The following GLIS3 variants were observed in gnomAD, a reference collection of about 807,000 sequenced individuals.
The protein encoded by GLIS3 is zinc finger protein GLIS3.
In GLIS3, 53 loss-of-function variants were observed where a neutral mutation model predicts 78.6. The observed-to-expected ratio is 0.67, with a 90% CI of 0.54 to 0.85. The LOEUF is 0.85. Ranked by LOEUF, GLIS3 falls within the 40% of genes least tolerant of loss-of-function variation. The pLI, the probability that GLIS3 is intolerant of heterozygous loss-of-function variation, is 0.00. For synonymous variants in GLIS3, 684 were observed against 509.9 expected (o/e 1.34, Z -4.60); for missense variants, 1,703 against 1,231.1 (o/e 1.38, Z -5.74).
chr9:4,250,559 C>G (rs975560511), intron 2 of GLIS3, among the ~76,000 whole-genome samples: 1 of 148,600 alleles, frequency 6.7e-6, no homozygotes, highest in Non-Finnish European at 1.5e-5. Flanking sequence ...TTTTCAAAAA[C>G]CTAGCTCCCG....
At chr9:4,329,444 T>C (rs1817651070) in intron 2 of GLIS3, among the ~76,000 whole-genome samples, 1 of 152,172 alleles carries the variant, frequency 6.6e-6, no homozygotes, top group Non-Finnish European at 1.5e-5. Flanking sequence ...CCCAGTGGTA[T>C]TTCAAATGCC....
chr9:4,288,092 C>A (rs1434934816), intron 1 of GLIS3, among the ~76,000 whole-genome samples: 1 of 152,174 alleles, frequency 6.6e-6, no homozygotes, highest in African/African-American at 2.4e-5. Flanking sequence ...AACCTCAGTT[C>A]TTACATTGGT....
At position 4,053,168 on chromosome 9, in the gene GLIS3, C is replaced by T. The variant is rs190716238; in HGVS notation, c.1710+64600G>A. On this transcript the variant is annotated intron_variant, in intron 4 of 10. Transcript: ENST00000381971. ...TTTGCCATGTTGGCCCAGCTGGTCT[C>T]GAACTCTTGGCCTCCAGCAATCCAC... Among the ~76,000 whole-genome samples, 50 of 152,256 alleles carry T rather than the reference C, an allele frequency of 3.3e-4. No homozygotes were observed. The East Asian group carries it at 9.1e-3, about 28-fold the overall frequency.
At chr9:4,062,084 A>G (rs1826701146) in intron 4 of GLIS3, among the ~76,000 whole-genome samples, 1 of 152,242 alleles carries the variant, frequency 6.6e-6, no homozygotes. Context: ...TGAAGACTGA[A>G]TTACTTCCTT....
Position 3,988,698 on chromosome 9 carries a change from G to A in GLIS3, c.1711-51509C>T, listed in dbSNP as rs551054642. ...AATTGGTGCTGGAGCCATCAAGCAC[G>A]CATAGACAAAAAAAAAGAAAAAGAA... On this transcript the variant is annotated intron_variant, in intron 4 of 10. Coordinates refer to ENST00000381971, the MANE Select transcript of GLIS3 (RefSeq NM_001042413.2). Among the ~76,000 whole-genome samples the A allele has an allele frequency of 7.2e-5, 11 of 151,806 alleles. 1 individual carries two copies. The South Asian group carries it at 1.2e-3, about 17-fold the overall frequency.
At chr9:3,858,805 A>C (rs1387868927) in intron 8 of GLIS3, among the ~76,000 whole-genome samples, 2 of 152,240 alleles carry the variant, frequency 1.3e-5, no homozygotes, top group African/African-American at 2.4e-5. Context: ...GGAACAAGGA[A>C]GTAGATAGGA....
At chr9:4,373,919 G>T in the GLIS3 span, among the ~76,000 whole-genome samples, 5 of 152,092 alleles carry the variant, frequency 3.3e-5, no homozygotes, top group African/African-American at 1.2e-4. Context: ...GCCTGCCTCG[G>T]CCTCCCACAG....
At chr9:4,408,691 C>A in the GLIS3 span, among the ~76,000 whole-genome samples, 1 of 122,326 alleles carries the variant, frequency 8.2e-6, no homozygotes, top group African/African-American at 3.4e-5. Flanking sequence ...CACGCCACCG[C>A]ACTCCAGCCT....
intron 2 of GLIS3, among the ~76,000 whole-genome samples, chr9:4,257,250 T>C (rs878981326): frequency 2.0e-5 from 3 of 151,598 alleles, no homozygotes; most frequent in Non-Finnish European, 4.4e-5. Context: ...GAAAGAAAAA[T>C]AGTGCATGAT....
chr9:4,120,556 TC>T (rs35200172), intron 3 of GLIS3, among the ~76,000 whole-genome samples: 3 of 152,190 alleles, frequency 2.0e-5, no homozygotes, highest in African/African-American at 7.2e-5. Flanking sequence ...AGCTGAAGGC[TC>T]CTGGTGATTG....
At position 4,117,670 on chromosome 9, in the gene GLIS3, C is replaced by A. The variant is rs188097536; in HGVS notation, c.1710+98G>T. Reference sequence around the variant, plus strand: ...CATCTCATGGATACCTAGACCCCCACGCATGCAAACTCCATGGGCCGAGTT... The same window carrying A: ...CATCTCATGGATACCTAGACCCCCAAGCATGCAAACTCCATGGGCCGAGTT... On this transcript the variant is annotated intron_variant, in intron 4 of 10. Coordinates refer to ENST00000381971, the MANE Select transcript of GLIS3 (RefSeq NM_001042413.2). The A allele has an allele frequency of 1.1e-4, 150 of 1,342,290 alleles. No individual in the cohort carries two copies. The East Asian group carries it at 1.3e-3, about 11-fold the overall frequency. 83.1% of individuals were successfully genotyped at this position (1,342,290 alleles called of 1,614,324 possible).
At chr9:4,340,663 G>T (rs1014368289) in intron 2 of GLIS3, among the ~76,000 whole-genome samples, 5 of 152,074 alleles carry the variant, frequency 3.3e-5, no homozygotes, top group Admixed American at 3.3e-4. Flanking sequence ...GACCGTTGTC[G>T]GAACCAGATC....
At chr9:4,312,978 C>A (rs762857480) in intron 2 of GLIS3, among the ~76,000 whole-genome samples, 2 of 152,194 alleles carry the variant, frequency 1.3e-5, no homozygotes, top group Non-Finnish European at 2.9e-5. Context: ...AAATCACCTC[C>A]CCAGGATACA....
At chr9:4,125,672 G>A in intron 3 of GLIS3, 62 bp downstream of exon 3, 1 of 1,134,386 alleles carries the variant, frequency 8.8e-7, no homozygotes, top group Non-Finnish European at 1.3e-6. Flanking sequence ...AAAGAGAACG[G>A]AAAACACTTG....
the GLIS3 span, among the ~76,000 whole-genome samples, chr9:4,454,087 T>G: frequency 2.0e-5 from 3 of 148,684 alleles, no homozygotes; most frequent in East Asian, 5.9e-4. Context: ...ATATTCCACA[T>G]CTAATAAAAG....
chr9:4,141,522 T>C (rs1029624216), intron 2 of GLIS3, among the ~76,000 whole-genome samples: 1 of 152,198 alleles, frequency 6.6e-6, no homozygotes, highest in Non-Finnish European at 1.5e-5. Flanking sequence ...ACAAACACCC[T>C]GGGATTCTGT....
At chr9:4,095,240 C>T (rs1829849252) in intron 4 of GLIS3, among the ~76,000 whole-genome samples, 1 of 152,170 alleles carries the variant, frequency 6.6e-6, no homozygotes, top group Non-Finnish European at 1.5e-5. Context: ...ATCCTTTGAA[C>T]TAGCCTTTCT....
chr9:3,863,579 G>C (rs1265810861), intron 8 of GLIS3, among the ~76,000 whole-genome samples: 1 of 152,206 alleles, frequency 6.6e-6, no homozygotes, highest in Admixed American at 6.5e-5. Flanking sequence ...CATAAGGTTG[G>C]AAAAGACCAG....
the GLIS3 span, among the ~76,000 whole-genome samples, chr9:4,376,823 G>C: frequency 7.4e-6 from 1 of 135,360 alleles, no homozygotes; most frequent in African/African-American, 2.6e-5. Flanking sequence ...GTTCTGGTGG[G>C]AGAGTATACA....
Sources: gnomAD v4.1 joint callset for allele counts (sites outside exome capture counted in the v4.1 genomes callset) on GRCh38, gnomAD v4.1.1 for gene constraint, MANE v1.5 for transcripts, NCBI Gene and HGNC (gene_info 2026-07-23, HGNC 2026-07-21) for gene names.